Variants in SYT16 observed in about 807,000 individuals in gnomAD.
SYT16 encodes synaptotagmin 16.
A neutral mutation model predicts 61.4 loss-of-function variants in SYT16; 42 were observed. The observed-to-expected ratio is 0.68, with a 90% CI of 0.53 to 0.89. SYT16 has a LOEUF of 0.89. Ranked by LOEUF, SYT16 falls within the 40% of genes least tolerant of loss-of-function variation. The probability of loss-of-function intolerance (pLI) is 0.00; values close to 1 mark genes in which losing one functional copy is unlikely to be tolerated. For synonymous variants in SYT16, 314 were observed against 302.3 expected (o/e 1.04, Z -0.40); for missense variants, 804 against 807.3 (o/e 1.00, Z 0.05).
At chr14:61,812,690 C>T (rs2045304120), upstream of SYT16, 1 of 146,720 alleles carries the variant, frequency 6.8e-6, no homozygotes, top group East Asian at 2.0e-4. Context: ...GGGCTGTGCG[C>T]GGCGCGGCCC....
intron 2 of SYT16, among the ~76,000 whole-genome samples, chr14:61,989,576 A>AAAC (rs1258626828): frequency 6.6e-6 from 1 of 152,140 alleles, no homozygotes; most frequent in Non-Finnish European, 1.5e-5. Flanking sequence ...AACAAAACAA[A>AAAC]AACAACAACA....
intron 1 of SYT16, among the ~76,000 whole-genome samples, chr14:61,900,758 A>C (rs2048484894): frequency 6.6e-6 from 1 of 152,150 alleles, no homozygotes; most frequent in Non-Finnish European, 1.5e-5. Flanking sequence ...TCCCAATTCC[A>C]TTCCAGGAAG....
At chr14:61,980,190 G>A (rs2052012133) in intron 2 of SYT16, among the ~76,000 whole-genome samples, 1 of 152,182 alleles carries the variant, frequency 6.6e-6, no homozygotes, top group Admixed American at 6.5e-5. Context: ...AATCTAAGTT[G>A]CAAGGTATTT....
At chr14:62,065,513 T>C (rs188581976) in intron 3 of SYT16, among the ~76,000 whole-genome samples, 22 of 152,244 alleles carry the variant, frequency 1.4e-4, no homozygotes, top group Admixed American at 8.5e-4. Flanking sequence ...TGAAAAAAAA[T>C]CAAGAACCAT....
intron 1 of SYT16, among the ~76,000 whole-genome samples, chr14:61,918,692 T>C (rs2049212527): frequency 6.6e-6 from 1 of 152,018 alleles, no homozygotes; most frequent in African/African-American, 2.4e-5. Context: ...TTCTCAAAGA[T>C]AGCTCTGAAA....
intron 1 of SYT16, among the ~76,000 whole-genome samples, chr14:61,883,966 G>C (rs367687777): frequency 6.6e-6 from 1 of 152,066 alleles, no homozygotes; most frequent in East Asian, 1.9e-4. Flanking sequence ...ACAGCATGGG[G>C]GAAACTGCTC....
intron 3 of SYT16, among the ~76,000 whole-genome samples, chr14:62,035,250 A>T (rs75597603): frequency 0.026 from 3,909 of 152,308 alleles, 56 homozygotes; most frequent in Middle Eastern, 0.051. Flanking sequence ...AGAACTCAGC[A>T]TGCAGCAGTT....
intron 1 of SYT16, among the ~76,000 whole-genome samples, chr14:61,882,876 C>T (rs1291877755): frequency 1.3e-5 from 2 of 152,240 alleles, no homozygotes; most frequent in African/African-American, 4.8e-5. Context: ...CTATGCAAGT[C>T]TGAAATCCAA....
intron 3 of SYT16, among the ~76,000 whole-genome samples, chr14:62,007,164 T>C (rs139473503): frequency 1.3e-5 from 2 of 152,276 alleles, no homozygotes; most frequent in African/African-American, 4.8e-5. Flanking sequence ...TCAGATAATA[T>C]AGCTGATCCA....
chr14:61,939,946 T>G (rs1406526526), intron 1 of SYT16, among the ~76,000 whole-genome samples: 1 of 152,198 alleles, frequency 6.6e-6, no homozygotes, highest in Non-Finnish European at 1.5e-5. Context: ...TTTAGGCTGA[T>G]GTCATCTGGG....
At chr14:61,886,175 A>G (rs1425889145) in intron 1 of SYT16, among the ~76,000 whole-genome samples, 5 of 152,092 alleles carry the variant, frequency 3.3e-5, no homozygotes, top group Admixed American at 3.3e-4. Flanking sequence ...CATGTTGGCC[A>G]GGATGGTCTC....
At chr14:61,863,891 C>T (rs2047044255) in intron 1 of SYT16, among the ~76,000 whole-genome samples, 1 of 152,152 alleles carries the variant, frequency 6.6e-6, no homozygotes, top group South Asian at 2.1e-4. Flanking sequence ...ATTGTATTGC[C>T]TTTGCTCCTT....
intron 2 of SYT16, among the ~76,000 whole-genome samples, chr14:61,975,419 T>A (rs2051746462): frequency 6.6e-6 from 1 of 152,166 alleles, no homozygotes; most frequent in Non-Finnish European, 1.5e-5. Flanking sequence ...TGCCTAAGAC[T>A]GGGTAATTTA....
rs573541030 is a variant in SYT16, at chr14:61,864,813, C to T, written c.-325+52003C>T. The T allele has an allele frequency of 4.8e-5, 47 of 973,620 alleles. No individual in the cohort carries two copies. The South Asian group carries it at 6.5e-4, about 14-fold the overall frequency. 60.3% of individuals were successfully genotyped at this position (973,620 alleles called of 1,614,324 possible). ...TGCCAGCGCCTGGAGGGCTAAATCACAGTCTACCATTATGACGGTGGGCCT... is the reference window on the plus strand; with the variant it reads ...TGCCAGCGCCTGGAGGGCTAAATCATAGTCTACCATTATGACGGTGGGCCT... On this transcript the variant is annotated intron_variant, in intron 1 of 7. Coordinates refer to ENST00000683842, the MANE Select transcript of SYT16 (RefSeq NM_001367656.1).
At chr14:62,088,292 G>T (rs963732643) in intron 7 of SYT16, among the ~76,000 whole-genome samples, 2 of 152,114 alleles carry the variant, frequency 1.3e-5, no homozygotes, top group East Asian at 3.9e-4. Context: ...TTAAATGTAG[G>T]CATTCAACAG....
At chr14:62,080,407 G>T (rs141345920) in intron 5 of SYT16, among the ~76,000 whole-genome samples, 2 of 152,180 alleles carry the variant, frequency 1.3e-5, no homozygotes, top group African/African-American at 2.4e-5. Flanking sequence ...TCTGTAGAAA[G>T]CTCTTGCCTG....
At chr14:61,888,084 GC>G (rs747098756) in intron 1 of SYT16, among the ~76,000 whole-genome samples, 2 of 150,848 alleles carry the variant, frequency 1.3e-5, no homozygotes, top group Non-Finnish European at 2.9e-5. Context: ...ACACTTACAG[GC>G]CATTGTAAGG....
chr14:62,032,374 A>T (rs568462239), intron 3 of SYT16, among the ~76,000 whole-genome samples: 1 of 152,232 alleles, frequency 6.6e-6, no homozygotes, highest in East Asian at 1.9e-4. Flanking sequence ...AGAATAGTAT[A>T]CCATCCTAAA....
At chr14:61,964,175 A>G (rs967444791) in intron 1 of SYT16, among the ~76,000 whole-genome samples, 3 of 152,186 alleles carry the variant, frequency 2.0e-5, no homozygotes, top group Admixed American at 2.0e-4. Context: ...CAAGCTCATT[A>G]TTTAAGAAAT....
Sources: allele counts gnomAD v4.1 joint callset (sites outside exome capture counted in the v4.1 genomes callset), GRCh38; gene constraint gnomAD v4.1.1; transcripts MANE v1.5; gene names NCBI Gene and HGNC (gene_info 2026-07-23, HGNC 2026-07-21).